SDC2: variants seen among roughly 807,000 people sequenced by gnomAD.
SDC2 encodes the protein syndecan 2.
Under a neutral mutation model 22.2 loss-of-function variants are expected in SDC2, and 13 were observed. That is an observed-to-expected ratio of 0.59 (90% CI 0.38 to 0.93). The LOEUF (loss-of-function observed/expected upper bound fraction) is 0.93, where lower values mean the gene tolerates loss of function less well. SDC2 is among the 40% of genes least tolerant of loss of function. SDC2 has a pLI of 0.00. For synonymous variants in SDC2, 94 were observed against 92.8 expected, an observed-to-expected ratio of 1.01 and a Z score of -0.07; for missense variants, 235 against 246.8, an observed-to-expected ratio of 0.95 and a Z score of 0.32.
chr8:96,564,626 G>A (rs16894743), intron 1 of SDC2, among the ~76,000 whole-genome samples: 12,373 of 152,080 alleles, frequency 0.081, 746 homozygotes, highest in East Asian at 0.15. Flanking sequence ...TCTGATTGGC[G>A]AATGTACCTA....
At chr8:96,533,049 A>G (rs1448764051) in intron 1 of SDC2, among the ~76,000 whole-genome samples, 1 of 152,062 alleles carries the variant, frequency 6.6e-6, no homozygotes, top group South Asian at 2.1e-4. Flanking sequence ...GTTCCTTCTG[A>G]TGTTTAGATG....
At chr8:96,519,552 C>G (rs953348758) in intron 1 of SDC2, among the ~76,000 whole-genome samples, 3 of 151,976 alleles carry the variant, frequency 2.0e-5, no homozygotes, top group Non-Finnish European at 4.4e-5. Context: ...TTAATGAAAC[C>G]TCTTTTATCT....
chr8:96,543,439 A>G (rs1468311079), intron 1 of SDC2, among the ~76,000 whole-genome samples: 1 of 152,228 alleles, frequency 6.6e-6, no homozygotes, highest in East Asian at 1.9e-4. Context: ...ATTAGGTAGG[A>G]CCATATTAAT....
chr8:96,581,500 C>A (rs1202812997), intron 1 of SDC2, among the ~76,000 whole-genome samples: 1 of 152,112 alleles, frequency 6.6e-6, no homozygotes, highest in Middle Eastern at 3.2e-3. Flanking sequence ...CATAGAGTTG[C>A]ACATGCCTGT....
At chr8:96,505,722 A>G (rs1214217417) in intron 1 of SDC2, among the ~76,000 whole-genome samples, 1 of 152,182 alleles carries the variant, frequency 6.6e-6, no homozygotes, top group Non-Finnish European at 1.5e-5. Flanking sequence ...TGATTATTAG[A>G]TTTGATTAGG....
chr8:96,609,985 A>C lies in SDC2; in HGVS notation c.*437A>C, dbSNP rs942462077. 1 of 153,230 alleles carries C rather than the reference A, an allele frequency of 6.5e-6. No homozygotes were observed. Among genetic ancestry groups the C allele is most frequent in the African/African-American group, 2.4e-5 (1 of 41,452 alleles). 9.5% of individuals were successfully genotyped at this position (153,230 alleles called of 1,614,324 possible). ...CCTCCCTTCTTGTGCCCTTAAAACC[A>C]AACCCTATGCCTTTTGTAGCTGTCA... On this transcript the variant is annotated 3_prime_UTR_variant, in exon 5 of 5. Transcript: ENST00000302190.
chr8:96,597,308 C>A (rs1245641769), intron 2 of SDC2, among the ~76,000 whole-genome samples: 1 of 152,152 alleles, frequency 6.6e-6, no homozygotes, highest in Non-Finnish European at 1.5e-5. Context: ...GGAAGCTGGA[C>A]CAATTCAAAG....
intron 3 of SDC2, 52 bp downstream of exon 3, chr8:96,602,580 A>G: frequency 6.3e-7 from 1 of 1,589,968 alleles, no homozygotes; most frequent in Non-Finnish European, 8.6e-7. Flanking sequence ...CAAATGCTTC[A>G]CTTTACTGAC....
intron 1 of SDC2, among the ~76,000 whole-genome samples, chr8:96,568,742 G>T (rs1159704537): frequency 2.0e-5 from 3 of 152,178 alleles, no homozygotes; most frequent in Non-Finnish European, 4.4e-5. Flanking sequence ...CATTTTAGAA[G>T]TATGGGTCTT....
chr8:96,563,810 C>T (rs1325289400), intron 1 of SDC2, among the ~76,000 whole-genome samples: 2 of 152,174 alleles, frequency 1.3e-5, no homozygotes, highest in Admixed American at 1.3e-4. Flanking sequence ...GCATTTTGAG[C>T]TCCTGCTTGG....
chr8:96,549,380 A>G (rs1813988544), intron 1 of SDC2, among the ~76,000 whole-genome samples: 1 of 152,158 alleles, frequency 6.6e-6, no homozygotes, highest in South Asian at 2.1e-4. Flanking sequence ...AGTATAGAAT[A>G]GGTGGAGGGC....
Position 96,609,072 on chromosome 8 carries a change from G to A in SDC2, c.443-313G>A, listed in dbSNP as rs1815132761. On this transcript the variant is annotated intron_variant, in intron 4 of 4. Transcript: ENST00000302190. ...TTGAAAAAAAGCAGTTAGAAAATTA[G>A]AATATGAAATGTGAGTTCTGAAAAG... Among the ~76,000 whole-genome samples, 6 of 152,176 alleles carry A rather than the reference G, an allele frequency of 3.9e-5. No individual in the cohort carries two copies. In the South Asian group the frequency reaches 1.0e-3, roughly 26 times the overall value.
chr8:96,544,872 T>A (rs1406010585), intron 1 of SDC2, among the ~76,000 whole-genome samples: 1 of 152,258 alleles, frequency 6.6e-6, no homozygotes, highest in Non-Finnish European at 1.5e-5. Context: ...ATTAAAAATG[T>A]AATTGTATAT....
At position 96,534,081 on chromosome 8, in the gene SDC2, C is replaced by T. The variant is rs377732624; in HGVS notation, c.60+39750C>T. Among the ~76,000 whole-genome samples the T allele has an allele frequency of 5.3e-4, 80 of 152,354 alleles. No individual in the cohort carries two copies. In the East Asian group the frequency reaches 7.1e-3, roughly 14 times the overall value. On this transcript the variant is annotated intron_variant, in intron 1 of 4. Coordinates refer to ENST00000302190, the MANE Select transcript of SDC2 (RefSeq NM_002998.4). The stretch of plus-strand genomic sequence containing the variant: ...TAAGCCCCTCACTGCCCGGGGCCGG[C>T]GGTGCCCACTGGCCGCTCAGAGTGC...
chr8:96,557,969 A>G (rs1319292593), intron 1 of SDC2, among the ~76,000 whole-genome samples: 1 of 152,168 alleles, frequency 6.6e-6, no homozygotes, highest in African/African-American at 2.4e-5. Context: ...CTGAGGATAG[A>G]TGTTAGGGTG....
chr8:96,575,734 T>TCA (rs1457057341), intron 1 of SDC2, among the ~76,000 whole-genome samples: 1 of 152,188 alleles, frequency 6.6e-6, no homozygotes, highest in Non-Finnish European at 1.5e-5. Flanking sequence ...TCTAAGCCAT[T>TCA]CACAGCCTGA....
chr8:96,494,916 G>T (rs1158291732), intron 1 of SDC2, among the ~76,000 whole-genome samples: 1 of 152,208 alleles, frequency 6.6e-6, no homozygotes, highest in Non-Finnish European at 1.5e-5. Context: ...CTAGGGCGAG[G>T]TAACCGACAC....
At chr8:96,506,168 G>C (rs1813235409) in intron 1 of SDC2, among the ~76,000 whole-genome samples, 2 of 152,300 alleles carry the variant, frequency 1.3e-5, no homozygotes, top group African/African-American at 4.8e-5. Context: ...GGAGACACTT[G>C]ATTTTCATAT....
At chr8:96,565,529 G>T (rs932745640) in intron 1 of SDC2, among the ~76,000 whole-genome samples, 6 of 152,118 alleles carry the variant, frequency 3.9e-5, no homozygotes, top group African/African-American at 7.2e-5. Context: ...AAATCTATAT[G>T]TATATGTATT....
Sources: allele counts gnomAD v4.1 joint callset (sites outside exome capture counted in the v4.1 genomes callset), GRCh38; gene constraint gnomAD v4.1.1; transcripts MANE v1.5; gene names NCBI Gene and HGNC (gene_info 2026-07-23, HGNC 2026-07-21).